PPP2R2C: variants seen among roughly 807,000 people sequenced by gnomAD.
PPP2R2C encodes the protein protein phosphatase 2 regulatory subunit Bgamma, also known as protein phosphatase 2, regulatory subunit B, gamma.
Under a neutral mutation model 45.3 loss-of-function variants are expected in PPP2R2C, and 10 were observed. That is an observed-to-expected ratio of 0.22 (90% CI 0.14 to 0.37). The LOEUF (loss-of-function observed/expected upper bound fraction) is 0.37, where lower values mean the gene tolerates loss of function less well. Ranked by LOEUF, PPP2R2C falls within the 10% of genes least tolerant of loss-of-function variation. The pLI, the probability that PPP2R2C is intolerant of heterozygous loss-of-function variation, is 1.00. For synonymous variants in PPP2R2C, 257 were observed against 245.4 expected (o/e 1.05, Z -0.44); for missense variants, 308 against 619.7 (o/e 0.50, Z 5.34).
chr4:6,464,342 C>T (rs555312004), intron 1 of PPP2R2C, among the ~76,000 whole-genome samples: 1 of 152,188 alleles, frequency 6.6e-6, no homozygotes, highest in Non-Finnish European at 1.5e-5. Context: ...ACTAACAGGA[C>T]TCCCCAGGGT....
At chr4:6,350,062 A>G in intron 5 of PPP2R2C, 10 of 985,468 alleles carry the variant, frequency 1.0e-5, no homozygotes, top group African/African-American at 1.7e-5. Flanking sequence ...TGAGAATCAC[A>G]TAAAAATAGA....
chr4:6,559,395 GCACACA>G (rs58400617), intron 1 of PPP2R2C, among the ~76,000 whole-genome samples: 2,030 of 144,848 alleles, frequency 0.014, 13 homozygotes, highest in African/African-American at 0.032. Context: ...AAAATACACA[GCACACA>G]CACACACACA....
chr4:6,373,610 C>A (rs551608954), intron 4 of PPP2R2C, among the ~76,000 whole-genome samples: 1 of 152,322 alleles, frequency 6.6e-6, no homozygotes, highest in African/African-American at 2.4e-5. Context: ...GAGAGACTCT[C>A]CAGTGAATGA....
At chr4:6,405,950 G>C (rs976147683) in intron 1 of PPP2R2C, among the ~76,000 whole-genome samples, 5 of 152,046 alleles carry the variant, frequency 3.3e-5, no homozygotes, top group African/African-American at 1.2e-4. Context: ...GCAGCAGGGG[G>C]GTCTCTTTTT....
At chr4:6,538,039 T>C (rs1387355588) in intron 1 of PPP2R2C, among the ~76,000 whole-genome samples, 2 of 152,114 alleles carry the variant, frequency 1.3e-5, no homozygotes, top group Admixed American at 6.5e-5. Context: ...GTCGTGGAGA[T>C]GGTTGCACGA....
At chr4:6,515,218 G>C (rs1228432550) in intron 2 of PPP2R2C, among the ~76,000 whole-genome samples, 1 of 152,170 alleles carries the variant, frequency 6.6e-6, no homozygotes, top group Non-Finnish European at 1.5e-5. Context: ...ATCTTAACCA[G>C]TCAACTGGAG....
rs1715508700 is a variant in PPP2R2C at position 6,378,311 on chromosome 4, AG to A, written c.334+95del. On this transcript the variant is annotated intron_variant, in intron 3 of 8. Transcript: ENST00000382599. The surrounding 1 kb of genome is among the most constrained non-coding windows in gnomAD (Gnocchi z 5.2). ...TATTTTCTAGGCGTTCTGAAGACAT[AG>A]AAAAATGCTCACAATATAAGTGAAA... 3.2e-6 allele frequency: 5 copies of A among 1,578,748 alleles called. No individual in the cohort carries two copies. The highest frequency in any genetic ancestry group is 4.3e-6 in the Non-Finnish European group (5 of 1,165,770).
At chr4:6,357,674 G>C (rs978749441) in intron 5 of PPP2R2C, among the ~76,000 whole-genome samples, 2 of 152,224 alleles carry the variant, frequency 1.3e-5, no homozygotes, top group African/African-American at 4.8e-5. Context: ...TGGAGGGACA[G>C]GTGGGCCTAT....
Position 6,324,960 on chromosome 4 carries a change from G to A in PPP2R2C, c.1053-1367C>T, listed in dbSNP as rs573576342. Reference sequence around the variant, plus strand: ...TGTCCTGCTGAAGGCTCTTCAGGGAGGAAATCCTGTTTCCTTTTGGAAGCT... The same window carrying A: ...TGTCCTGCTGAAGGCTCTTCAGGGAAGAAATCCTGTTTCCTTTTGGAAGCT... On this transcript the variant is annotated intron_variant, in intron 8 of 8. Coordinates refer to ENST00000382599, the MANE Select transcript of PPP2R2C (RefSeq NM_020416.4). This position sits in a 1 kb window ranked among gnomAD's most constrained non-coding sequence, Gnocchi z 4.1. Among the ~76,000 whole-genome samples, 1 of 152,342 alleles carries A rather than the reference G, an allele frequency of 6.6e-6. No homozygotes were observed. The highest frequency in any genetic ancestry group is 2.4e-5 in the African/African-American group (1 of 41,586).
chr4:6,461,308 G>T (rs887472959), intron 1 of PPP2R2C, among the ~76,000 whole-genome samples: 2 of 152,204 alleles, frequency 1.3e-5, no homozygotes, highest in African/African-American at 2.4e-5. Context: ...GAATGTAAAG[G>T]TTTGTTTTGT....
intron 1 of PPP2R2C, among the ~76,000 whole-genome samples, chr4:6,407,136 G>A (rs1409266650): frequency 6.6e-6 from 1 of 152,224 alleles, no homozygotes; most frequent in East Asian, 1.9e-4. Context: ...CTTCTGGACT[G>A]TAGAACAGGA....
At chr4:6,428,983 A>G (rs1257172273) in intron 1 of PPP2R2C, among the ~76,000 whole-genome samples, 2 of 152,234 alleles carry the variant, frequency 1.3e-5, no homozygotes, top group Non-Finnish European at 1.5e-5. Flanking sequence ...TTCTTTCTGC[A>G]AAGGGCCAGA....
intron 2 of PPP2R2C, among the ~76,000 whole-genome samples, chr4:6,528,818 C>T (rs970963428): frequency 6.6e-6 from 1 of 152,144 alleles, no homozygotes; most frequent in Non-Finnish European, 1.5e-5. Context: ...CCTTGTGACC[C>T]CCACTCCTGC....
At position 6,512,632 on chromosome 4, in the gene PPP2R2C, GTGA is replaced by G. The variant is rs1363901412; in HGVS notation, c.49+22636_49+22638del. Among the ~76,000 whole-genome samples, 330 of 107,952 alleles carry G rather than the reference GTGA, an allele frequency of 3.1e-3. 6 individuals are homozygous for G. Among genetic ancestry groups the G allele is most frequent in the African/African-American group, 9.7e-3 (311 of 32,126 alleles). The allele number at this position is 107,952 out of a possible 152,430, so 70.8% of individuals were successfully genotyped here. A position where few individuals can be genotyped will look rare whatever the true frequency, so the allele number is the denominator to read the frequency against. On this transcript the variant is annotated intron_variant, in intron 2 of 9. Transcript: ENST00000506140. ...GATTATGGTGGTAGTGGTGGTGATGGTGATGGTGGTGATGGTGCTGATGGTGGT... is the reference window on the plus strand; with the variant it reads ...GATTATGGTGGTAGTGGTGGTGATGGTGGTGGTGATGGTGCTGATGGTGGT...
At chr4:6,553,085 C>T (rs1291502744) in intron 1 of PPP2R2C, among the ~76,000 whole-genome samples, 5 of 152,212 alleles carry the variant, frequency 3.3e-5, no homozygotes, top group Non-Finnish European at 7.3e-5. Context: ...GGCTGTTACT[C>T]CCTGGGCTGA....
rs1436970533 is a variant in PPP2R2C, at chr4:6,381,760, T to C, written c.71-666A>G. ...CAGGTCACTCAGGAACCTCTCCTTATGGAGTCACCCCCATACCTGGAGTCT... is the reference window on the plus strand; with the variant it reads ...CAGGTCACTCAGGAACCTCTCCTTACGGAGTCACCCCCATACCTGGAGTCT... On this transcript the variant is annotated intron_variant, in intron 1 of 8. Transcript: ENST00000382599. The C allele has an allele frequency of 3.1e-6, 5 of 1,608,132 alleles. No homozygotes were observed. The East Asian group carries it at 6.7e-5, about 22-fold the overall frequency.
chr4:6,478,215 C>T (rs1006068302), intron 2 of PPP2R2C, among the ~76,000 whole-genome samples: 6 of 152,358 alleles, frequency 3.9e-5, no homozygotes, highest in South Asian at 2.1e-4. Context: ...ACTCTAGCAG[C>T]GGCTAGCATT....
chr4:6,348,470 T>TTG (rs1447002682), intron 5 of PPP2R2C, among the ~76,000 whole-genome samples: 3 of 152,070 alleles, frequency 2.0e-5, no homozygotes, highest in Non-Finnish European at 4.4e-5. Flanking sequence ...CCTTTTCAAA[T>TTG]TGTGTCTGGA....
intron 1 of PPP2R2C, among the ~76,000 whole-genome samples, chr4:6,462,304 G>A (rs765018929): frequency 9.1e-4 from 139 of 152,228 alleles, no homozygotes; most frequent in Middle Eastern, 6.8e-3. Flanking sequence ...GTGAAACCCC[G>A]TCTCTACTAA....
Sources: gnomAD v4.1 joint callset for allele counts (sites outside exome capture counted in the v4.1 genomes callset) on GRCh38, gnomAD v4.1.1 for gene constraint, Gnocchi (gnomAD v3.1) non-coding constraint, MANE v1.5 for transcripts, NCBI Gene and HGNC (gene_info 2026-07-23, HGNC 2026-07-21) for gene names.